The following DDX4 variants were observed in gnomAD, a reference collection of about 807,000 sequenced individuals.
DDX4 encodes probable ATP-dependent RNA helicase DDX4.
A neutral mutation model predicts 100.0 loss-of-function variants in DDX4; 25 were observed. The ratio of observed to expected loss-of-function variants is 0.25; its 90% CI spans 0.18 to 0.35. DDX4 has a LOEUF of 0.35. Among genes scored for constraint, DDX4 ranks in the 10% least tolerant of loss-of-function variants. The pLI, the probability that DDX4 is intolerant of heterozygous loss-of-function variation, is 1.00. For synonymous variants in DDX4, 259 were observed against 275.7 expected (o/e 0.94, Z 0.60); for missense variants, 635 against 882.4 (o/e 0.72, Z 3.55).
chr5:55,746,264 G>T lies in DDX4; in HGVS notation c.127+43G>T, dbSNP rs199859572. On this transcript the variant is annotated intron_variant, in intron 3 of 21. Transcript: ENST00000505374. The stretch of plus-strand genomic sequence containing the variant: ...AAGGTAAAACCCTTTTTAGTTTAAG[G>T]GTTTCATCTAGTGAATGAAGAGCAG... The T allele has an allele frequency of 1.9e-6, 3 of 1,547,976 alleles. No homozygotes were observed. In the Admixed American group the frequency reaches 5.7e-5, roughly 30 times the overall value.
At chr5:55,798,629 T>TA (rs1743113040) in intron 18 of DDX4, 58 bp downstream of exon 18, 13 of 1,470,372 alleles carry the variant, frequency 8.8e-6, no homozygotes, top group Non-Finnish European at 1.1e-5. Flanking sequence ...ATGAATAATT[T>TA]AAAAAATCAC....
At chr5:55,746,301 A>G in intron 3 of DDX4, 80 bp downstream of exon 3, 1 of 1,309,304 alleles carries the variant, frequency 7.6e-7, no homozygotes, top group Non-Finnish European at 1.1e-6. Context: ...AGACTAGTAG[A>G]CATCTTGTAG....
At chr5:55,778,027 A>G (rs1741677815) in intron 7 of DDX4, among the ~76,000 whole-genome samples, 1 of 152,180 alleles carries the variant, frequency 6.6e-6, no homozygotes, top group Admixed American at 6.5e-5. Flanking sequence ...TTGGAATCAT[A>G]TACTCTAAAA....
At chr5:55,793,955 T>G (rs1742749599) in intron 17 of DDX4, among the ~76,000 whole-genome samples, 2 of 152,296 alleles carry the variant, frequency 1.3e-5, no homozygotes, top group South Asian at 4.1e-4. Flanking sequence ...TGATAGAATG[T>G]TACATGGGAT....
intron 6 of DDX4, among the ~76,000 whole-genome samples, chr5:55,767,490 G>A (rs1353708951): frequency 3.9e-5 from 6 of 152,078 alleles, no homozygotes; most frequent in African/African-American, 1.4e-4. Context: ...AAATAGAAGA[G>A]TCTAGTGGTC....
chr5:55,760,065 T>TA (rs1400361156), intron 3 of DDX4, 135 bp from the exon 4 acceptor site: 29 of 738,288 alleles, frequency 3.9e-5, no homozygotes, highest in Non-Finnish European at 3.0e-5. Context: ...TTTTTTTTTT[T>TA]ACTGGGCTGT....
chr5:55,791,758 A>G (rs1317329009), intron 16 of DDX4, among the ~76,000 whole-genome samples: 2 of 152,240 alleles, frequency 1.3e-5, no homozygotes, highest in African/African-American at 4.8e-5. Context: ...TCCAAGTCAC[A>G]GTAGCCACAT....
chr5:55,776,032 A>C (rs1225358576), intron 7 of DDX4, among the ~76,000 whole-genome samples: 1 of 152,146 alleles, frequency 6.6e-6, no homozygotes, highest in Non-Finnish European at 1.5e-5. Context: ...AGGCAGGAGA[A>C]TCACTTGAAC....
chr5:55,765,267 AGAT>A (rs1007934949), intron 6 of DDX4, among the ~76,000 whole-genome samples: 4 of 151,570 alleles, frequency 2.6e-5, no homozygotes, highest in Non-Finnish European at 4.4e-5. Context: ...CCCTTTGTAG[AGAT>A]GGTGGGCCAG....
chr5:55,755,907 G>T (rs182237805), intron 3 of DDX4, among the ~76,000 whole-genome samples: 1 of 151,966 alleles, frequency 6.6e-6, no homozygotes, highest in African/African-American at 2.4e-5. Context: ...TCCAGGCACC[G>T]TCCCTCTGTC....
chr5:55,812,195 TTC>T (rs1458445293), intron 18 of DDX4, among the ~76,000 whole-genome samples: 1 of 152,214 alleles, frequency 6.6e-6, no homozygotes, highest in Non-Finnish European at 1.5e-5. Flanking sequence ...TTGATAACAT[TTC>T]TCTTTTATTC....
intron 10 of DDX4, 136 bp downstream of exon 10, chr5:55,782,117 T>G (rs1741950293): frequency 1.0e-6 from 1 of 956,094 alleles, no homozygotes; most frequent in Non-Finnish European, 1.6e-6. Flanking sequence ...TTATACACTG[T>G]GAGGACCATA....
At chr5:55,763,546 T>A (rs929247712) in intron 5 of DDX4, among the ~76,000 whole-genome samples, 1 of 152,142 alleles carries the variant, frequency 6.6e-6, no homozygotes, top group Non-Finnish European at 1.5e-5. Flanking sequence ...AAGCAAAACT[T>A]GACGACTTTT....
At chr5:55,790,773 A>C (rs1178430846) in intron 16 of DDX4, 68 bp downstream of exon 16, 1 of 1,431,042 alleles carries the variant, frequency 7.0e-7, no homozygotes, top group Non-Finnish European at 9.8e-7. Context: ...AAAGGAAAGA[A>C]TGAGGTAAAG....
chr5:55,798,603 A>C (rs763700763), intron 18 of DDX4, 32 bp downstream of exon 18: 1 of 1,546,820 alleles, frequency 6.5e-7, no homozygotes, highest in East Asian at 2.3e-5. Context: ...TTTTGTCATG[A>C]TTTTGATTTT....
intron 18 of DDX4, among the ~76,000 whole-genome samples, chr5:55,801,161 G>C (rs1743271346): frequency 6.6e-6 from 1 of 150,680 alleles, no homozygotes; most frequent in East Asian, 1.9e-4. Context: ...GATGTGGATA[G>C]CTTTGAATGT....
chr5:55,785,147 G>T (rs1249321544), intron 10 of DDX4, 150 bp from the exon 11 acceptor site: 3 of 660,084 alleles, frequency 4.5e-6, no homozygotes, highest in Non-Finnish European at 2.7e-6. Flanking sequence ...AACTAAAAAT[G>T]TACAAGGTTC....
intron 6 of DDX4, 74 bp from the exon 7 acceptor site, chr5:55,767,807 G>T: frequency 2.0e-6 from 2 of 1,023,702 alleles, no homozygotes; most frequent in South Asian, 3.4e-5. Context: ...TTTATCTTGT[G>T]ACAGTGCTAT....
At chr5:55,807,023 A>G (rs1486114969) in intron 18 of DDX4, among the ~76,000 whole-genome samples, 2 of 152,190 alleles carry the variant, frequency 1.3e-5, no homozygotes, top group African/African-American at 2.4e-5. Context: ...GGGTGCATAT[A>G]TATTTAGGAT....
Sources: gnomAD v4.1 joint callset for allele counts (sites outside exome capture counted in the v4.1 genomes callset) on GRCh38, gnomAD v4.1.1 for gene constraint, MANE v1.5 for transcripts, NCBI Gene and HGNC (gene_info 2026-07-23, HGNC 2026-07-21) for gene names.